Variants in CHTF18 observed in about 807,000 individuals in gnomAD.
CHTF18 encodes the protein chromosome transmission fidelity protein 18 homolog.
Under a neutral mutation model 113.4 loss-of-function variants are expected in CHTF18, and 151 were observed. The ratio of observed to expected loss-of-function variants is 1.33; its 90% CI spans 1.17 to 1.52. The LOEUF is 1.52. Among genes scored for constraint, CHTF18 ranks in the 40% most tolerant of loss-of-function variants. The pLI is 0.00. For missense variants in CHTF18, 1,982 were observed against 1,381.6 expected, an observed-to-expected ratio of 1.43 and a Z score of -6.89; for synonymous variants, 916 against 598.8, an observed-to-expected ratio of 1.53 and a Z score of -7.74.
chr16:797,233 G>T, intron 20 of CHTF18, 141 bp downstream of exon 20: 1 of 1,028,874 alleles, frequency 9.7e-7, no homozygotes, highest in Non-Finnish European at 1.3e-6. Flanking sequence ...CCCTCATGAG[G>T]CAGGGCCAGG....
chr16:793,793 T>G (rs1000419307), intron 14 of CHTF18: 2 of 657,068 alleles, frequency 3.0e-6, no homozygotes, highest in African/African-American at 3.6e-5. Context: ...GGAGGGGGAC[T>G]TTCCCTGGGG....
intron 2 of CHTF18, 39 bp downstream of exon 2, chr16:789,164 C>T (rs774140715): frequency 1.1e-5 from 17 of 1,549,850 alleles, no homozygotes; most frequent in Non-Finnish European, 1.4e-5. Context: ...CCGGAGTGGG[C>T]GCGAGGCTGA....
intron 20 of CHTF18, among the ~76,000 whole-genome samples, chr16:797,453 C>T (rs888093775): frequency 1.3e-5 from 2 of 152,138 alleles, no homozygotes; most frequent in Non-Finnish European, 1.5e-5. Context: ...CAGGGTTCTA[C>T]CCAGGCCTCA....
chr16:793,373 T>C, intron 14 of CHTF18, 99 bp downstream of exon 14: 1 of 1,453,934 alleles, frequency 6.9e-7, no homozygotes, highest in Non-Finnish European at 9.2e-7. Context: ...AGGCGGGGAC[T>C]CAGTGTCCTG....
Position 789,541 on chromosome 16 carries a change from C to T in CHTF18, c.438-6C>T, listed in dbSNP as rs766560306. 3.1e-6 allele frequency: 5 copies of T among 1,594,634 alleles called. No individual in the cohort carries two copies. Among genetic ancestry groups the T allele is most frequent in the South Asian group, 2.2e-5 (2 of 90,182 alleles). On this transcript the variant is annotated splice_polypyrimidine_tract_variant and splice_region_variant and intron_variant, in intron 3 of 21. Transcript: ENST00000262315. The stretch of plus-strand genomic sequence containing the variant: ...TTTCTGCCACTGAGCCCCGGTCTCT[C>T]TCCAGAGTCTCAGAAGCTGCTGCCG...
intron 4 of CHTF18, 58 bp from the exon 5 acceptor site, chr16:790,119 G>A (rs1261156888): frequency 3.2e-6 from 5 of 1,546,042 alleles, no homozygotes; most frequent in Non-Finnish European, 4.4e-6. Flanking sequence ...GATGGGGGCT[G>A]ACGTGAATCC....
At chr16:791,037 G>A (rs2042181973) in intron 7 of CHTF18, 124 bp from the exon 8 acceptor site, 4 of 1,483,556 alleles carry the variant, frequency 2.7e-6, no homozygotes, top group Non-Finnish European at 3.6e-6. Flanking sequence ...GCAGGAAGAC[G>A]GGGGTGGCCA....
At chr16:791,041 G>A in intron 7 of CHTF18, 120 bp from the exon 8 acceptor site, 1 of 1,486,714 alleles carries the variant, frequency 6.7e-7, no homozygotes, top group Non-Finnish European at 8.9e-7. Flanking sequence ...GAAGACGGGG[G>A]TGGCCATTCA....
chr16:796,732 C>G lies in CHTF18; in HGVS notation c.2472C>G (p.Leu824=), dbSNP rs765793878. The G allele has an allele frequency of 3.1e-6, 5 of 1,602,134 alleles. No homozygotes were observed. The African/African-American group carries it at 5.3e-5, about 17-fold the overall frequency. ...IYRLEPNVEE[L]CRFPELPARK... ...TGCTGAGCAGGAACGTGGAGGAACT[C>G]TGCCGCTTCCCTGAGCTGCCTGCCC... Residue 824 remains leucine, a synonymous_variant, in exon 19 of 22, where the codon CTC becomes CTG. Transcript: ENST00000262315.
In CHTF18 at chr16:790,220, A is replaced by G; in HGVS notation, c.650A>G (p.Asp217Gly). 6.2e-7 allele frequency: 1 copy of G among 1,605,674 alleles called. No homozygotes were observed. Among genetic ancestry groups the G allele is most frequent in the Non-Finnish European group, 8.5e-7 (1 of 1,177,074 alleles). The change falls in exon 5 of 22, where the codon GAC (aspartate) becomes GGC (glycine). Residue 217 changes from aspartate to glycine, a missense_variant. Asp to Gly is a moderately conservative substitution (Grantham distance 94, BLOSUM62 -1). Coordinates refer to ENST00000262315, the MANE Select transcript of CHTF18 (RefSeq NM_022092.3). ...HVPWRGGGQL[D>G]LLGVSLASLK... is the part of the protein sequence containing the mutation. ...CCATGGCGAGGCGGTGGCCAGCTGG[A>G]CCTGCTGGGTGTGTCCTTAGCCTCC...
At chr16:794,333 A>T (rs2042280877) in intron 15 of CHTF18, 132 bp downstream of exon 15, 1 of 1,052,820 alleles carries the variant, frequency 9.5e-7, no homozygotes, top group East Asian at 2.7e-5. Context: ...GGTTCGGGAA[A>T]TGGGGTGCCA....
chr16:790,867 G>A (rs2042178105), intron 7 of CHTF18: 1 of 1,431,252 alleles, frequency 7.0e-7, no homozygotes, highest in Non-Finnish European at 9.1e-7. Flanking sequence ...AGGCAGGCTA[G>A]GGGTCCAGGG....
chr16:790,698 G>A, intron 7 of CHTF18, 32 bp downstream of exon 7: 1 of 1,502,116 alleles, frequency 6.7e-7, no homozygotes, highest in Non-Finnish European at 8.8e-7. Flanking sequence ...AGTGTGGCTG[G>A]CTTCCTCTGT....
chr16:796,161 G>A, intron 18 of CHTF18, 84 bp downstream of exon 18: 2 of 1,515,174 alleles, frequency 1.3e-6, no homozygotes, highest in Non-Finnish European at 1.8e-6. Context: ...GGGGCCAGGA[G>A]TCTGAAAGCA....
At chr16:792,895 C>G in intron 12 of CHTF18, 71 bp from the exon 13 acceptor site, 1 of 1,531,506 alleles carries the variant, frequency 6.5e-7, no homozygotes, top group Non-Finnish European at 8.8e-7. Context: ...CTGCCCCTCC[C>G]CATGGAACCC....
In CHTF18 at chr16:788,717, C is replaced by T; in HGVS notation, c.33C>T (p.Val11=). 1.2e-6 allele frequency: 2 copies of T among 1,602,162 alleles called. No individual in the cohort carries two copies. The highest frequency in any genetic ancestry group is 1.7e-6 in the Non-Finnish European group (2 of 1,175,578). ...ACTACGAGCAGGAGCTGTGCGGCGTCGAGGATGATTTCCACAACCAGTTCG... is the reference window on the plus strand; with the variant it reads ...ACTACGAGCAGGAGCTGTGCGGCGTTGAGGATGATTTCCACAACCAGTTCG... MEDYEQELCG[V]EDDFHNQFAA... The change falls in exon 1 of 22, where the codon GTC becomes GTT. Residue 11 remains valine, a synonymous_variant. Transcript: ENST00000262315.
chr16:794,877 GTCAGTCT>G, intron 15 of CHTF18: 1 of 512,892 alleles, frequency 1.9e-6, no homozygotes, highest in Non-Finnish European at 3.4e-6. Flanking sequence ...TCTCTGTCAA[GTCAGTCT>G]CTGTCAAGCT....
intron 6 of CHTF18, 21 bp downstream of exon 6, chr16:790,420 G>T (rs555115888): frequency 1.2e-6 from 2 of 1,612,204 alleles, no homozygotes; most frequent in Non-Finnish European, 1.7e-6. Flanking sequence ...TGGCCCTTCC[G>T]CCCTGGGGAC....
rs902971976 is a variant in CHTF18 at position 797,160 on chromosome 16, A to G, written c.2733+68A>G. ...CTTTGGGGGTGTGGCTAGGGCAGTC[A>G]TGAGGCGGGGCCAAGGCACCCATGG... On this transcript the variant is annotated intron_variant, in intron 20 of 21. Transcript: ENST00000262315. 6.9e-6 allele frequency: 10 copies of G among 1,440,586 alleles called. No individual in the cohort carries two copies. In the Admixed American group the frequency reaches 2.6e-4, roughly 37 times the overall value. 89.2% of individuals were successfully genotyped at this position (1,440,586 alleles called of 1,614,324 possible).
Sources: allele counts gnomAD v4.1 joint callset (sites outside exome capture counted in the v4.1 genomes callset), GRCh38; gene constraint gnomAD v4.1.1; transcripts MANE v1.5; gene names NCBI Gene and HGNC (gene_info 2026-07-23, HGNC 2026-07-21).